The following MCCC2 variants were observed in gnomAD, a reference collection of about 807,000 sequenced individuals.
The protein encoded by MCCC2 is methylcrotonoyl-CoA carboxylase beta chain, mitochondrial.
MCCC2 carries 52 observed loss-of-function variants against 77.2 expected under a neutral mutation model. That is an observed-to-expected ratio of 0.67 (90% CI 0.54 to 0.85). MCCC2 has a LOEUF of 0.85. Ranked by LOEUF, MCCC2 falls within the 40% of genes least tolerant of loss-of-function variation. The pLI, the probability that MCCC2 is intolerant of heterozygous loss-of-function variation, is 0.00. For missense variants in MCCC2, 682 were observed against 703.2 expected, an observed-to-expected ratio of 0.97 and a Z score of 0.34; for synonymous variants, 253 against 248.4, an observed-to-expected ratio of 1.02 and a Z score of -0.18.
In MCCC2 at chr5:71,614,878, CAA is replaced by C. The variant is rs560872492; in HGVS notation, c.624+10416_624+10417del. Among the ~76,000 whole-genome samples, 4 of 152,092 alleles carry C rather than the reference CAA, an allele frequency of 2.6e-5. 1 individual carries two copies. Among genetic ancestry groups the C allele is most frequent in the South Asian group, 4.1e-4 (2 of 4,820 alleles). On this transcript the variant is annotated intron_variant, in intron 6 of 16. Coordinates refer to ENST00000340941, the MANE Select transcript of MCCC2 (RefSeq NM_022132.5). ...GTTGATACCTTTTCTTTAAAGGAAA[CAA>C]AAAAAGAACACTAAAATGATGCCAA...
At chr5:71,632,055 T>G in intron 7 of MCCC2, 66 bp from the exon 8 acceptor site, 2 of 1,374,204 alleles carry the variant, frequency 1.5e-6, no homozygotes, top group Non-Finnish European at 2.1e-6. Flanking sequence ...GAGTTGTGCA[T>G]GTTGGGGAAG....
At chr5:71,614,098 T>A (rs1486797680) in intron 6 of MCCC2, among the ~76,000 whole-genome samples, 2 of 151,950 alleles carry the variant, frequency 1.3e-5, no homozygotes, top group Non-Finnish European at 2.9e-5. Context: ...TATTTTTTTC[T>A]ATTTCCCTTA....
At chr5:71,634,885 G>C in intron 8 of MCCC2, 58 bp from the exon 9 acceptor site, 1 of 1,449,358 alleles carries the variant, frequency 6.9e-7, no homozygotes, top group Non-Finnish European at 9.7e-7. Flanking sequence ...TGGGACCTGA[G>C]ATATTTAATT....
chr5:71,616,016 G>A (rs891865270), intron 6 of MCCC2, among the ~76,000 whole-genome samples: 2 of 152,176 alleles, frequency 1.3e-5, no homozygotes, highest in Admixed American at 6.5e-5. Context: ...AATTGACCAT[G>A]CCTCTGTGAT....
chr5:71,621,328 C>T (rs1746341565), intron 6 of MCCC2, among the ~76,000 whole-genome samples: 1 of 151,732 alleles, frequency 6.6e-6, no homozygotes, highest in Non-Finnish European at 1.5e-5. Flanking sequence ...ATTGGGAGGC[C>T]TCATCTAAAA....
intron 2 of MCCC2, among the ~76,000 whole-genome samples, chr5:71,593,263 T>A (rs1221817198): frequency 6.6e-6 from 1 of 151,972 alleles, no homozygotes; most frequent in African/African-American, 2.4e-5. Flanking sequence ...AATTTTTGTA[T>A]TTTTTAAATA....
At chr5:71,635,406 T>A (rs2112439008) in intron 10 of MCCC2, 160 bp downstream of exon 10, 2 of 727,440 alleles carry the variant, frequency 2.7e-6, no homozygotes, top group East Asian at 5.5e-5. Context: ...CTTTCCATAC[T>A]GTGGATATCA....
chr5:71,618,502 TTCC>T (rs1396561046), intron 6 of MCCC2, among the ~76,000 whole-genome samples: 1 of 53,246 alleles, frequency 1.9e-5, no homozygotes, highest in African/African-American at 6.0e-5. Context: ...CCTTCCTTCC[TTCC>T]TTCCTTCCTT....
At chr5:71,654,147 A>T (rs1271187202) in intron 16 of MCCC2, among the ~76,000 whole-genome samples, 1 of 152,042 alleles carries the variant, frequency 6.6e-6, no homozygotes, top group East Asian at 1.9e-4. Flanking sequence ...GACATGTGCC[A>T]CCACACCTGG....
rs557328557 is a variant in MCCC2, at chr5:71,637,644, C to T, written c.999+2398C>T. 2.0e-5 allele frequency among the ~76,000 whole-genome samples: 3 copies of T among 152,276 alleles called. No individual in the cohort carries two copies. In the East Asian group the frequency reaches 5.8e-4, roughly 29 times the overall value. On this transcript the variant is annotated intron_variant, in intron 10 of 16. Transcript: ENST00000340941. The stretch of plus-strand genomic sequence containing the variant: ...AAAAGAAGACAACAATGAAGTCTGC[C>T]ACACTGACTGACTCTTGCTTTTATG...
intron 6 of MCCC2, among the ~76,000 whole-genome samples, chr5:71,609,485 G>T (rs972403393): frequency 1.7e-4 from 26 of 148,870 alleles, no homozygotes; most frequent in Non-Finnish European, 3.0e-5. Context: ...TTTTTTCAAA[G>T]TTTTCAACTT....
intron 1 of MCCC2, among the ~76,000 whole-genome samples, chr5:71,588,433 A>T (rs574310208): frequency 6.6e-6 from 1 of 152,220 alleles, no homozygotes; most frequent in African/African-American, 2.4e-5. Context: ...TTCTAAGCCT[A>T]TACAGATAAC....
chr5:71,618,300 T>C (rs1386011708), intron 6 of MCCC2, among the ~76,000 whole-genome samples: 5 of 152,174 alleles, frequency 3.3e-5, no homozygotes, highest in Non-Finnish European at 5.9e-5. Flanking sequence ...AATGCTATCA[T>C]TGTGGGAGTT....
At chr5:71,638,227 C>T (rs934963411) in intron 10 of MCCC2, among the ~76,000 whole-genome samples, 3 of 152,196 alleles carry the variant, frequency 2.0e-5, no homozygotes, top group Non-Finnish European at 2.9e-5. Flanking sequence ...TGCAGCAGTT[C>T]AGTTACATCT....
At chr5:71,598,214 G>A (rs957694190) in intron 3 of MCCC2, among the ~76,000 whole-genome samples, 1 of 151,692 alleles carries the variant, frequency 6.6e-6, no homozygotes. Context: ...TGGATTACAG[G>A]TGTGCACCAC....
At chr5:71,607,113 C>T (rs1462655838) in intron 6 of MCCC2, among the ~76,000 whole-genome samples, 2 of 151,952 alleles carry the variant, frequency 1.3e-5, no homozygotes, top group Non-Finnish European at 2.9e-5. Flanking sequence ...GGAGGATTCC[C>T]TCTTTTTCTA....
At chr5:71,654,723 CATT>C (rs1441377093) in intron 16 of MCCC2, among the ~76,000 whole-genome samples, 1 of 151,756 alleles carries the variant, frequency 6.6e-6, no homozygotes, top group African/African-American at 2.4e-5. Context: ...TTCATACTAA[CATT>C]ATTATTATTT....
rs1159934711 is a variant in MCCC2, at chr5:71,657,133, A to C, written c.*273A>C. Reference sequence around the variant, plus strand: ...GGTTATCCTTTCTGACCCACAAAGTATGAAAAGTTCTGTAATCTGTAAACT... The same window carrying C: ...GGTTATCCTTTCTGACCCACAAAGTCTGAAAAGTTCTGTAATCTGTAAACT... On this transcript the variant is annotated 3_prime_UTR_variant, in exon 17 of 17. Transcript: ENST00000340941. 3 of 395,712 alleles carry C rather than the reference A, an allele frequency of 7.6e-6. No homozygotes were observed. The highest frequency in any genetic ancestry group is 1.4e-5 in the Non-Finnish European group (3 of 211,780). The allele number at this position is 395,712 out of a possible 1,614,324, so 24.5% of individuals were successfully genotyped here. A position where few individuals can be genotyped will look rare whatever the true frequency, so the allele number is the denominator to read the frequency against.
chr5:71,654,501 G>A (rs1443082677), intron 16 of MCCC2, among the ~76,000 whole-genome samples: 1 of 151,986 alleles, frequency 6.6e-6, no homozygotes, highest in African/African-American at 2.4e-5. Context: ...GCAATAGAAA[G>A]CCGTATAAGA....
Sources: allele counts gnomAD v4.1 joint callset (sites outside exome capture counted in the v4.1 genomes callset), GRCh38; gene constraint gnomAD v4.1.1; transcripts MANE v1.5; gene names NCBI Gene and HGNC (gene_info 2026-07-23, HGNC 2026-07-21).